NMNAT1: variants seen among roughly 807,000 people sequenced by gnomAD.
NMNAT1 encodes nicotinamide nucleotide adenylyltransferase 1.
In NMNAT1, 11 loss-of-function variants were observed where a neutral mutation model predicts 16.7. The observed-to-expected ratio is 0.66, with a 90% confidence interval of 0.41 to 1.09. The LOEUF (loss-of-function observed/expected upper bound fraction) is 1.09, where lower values mean the gene tolerates loss of function less well. Ranked by LOEUF, NMNAT1 falls within the 50% of genes least tolerant of loss-of-function variation. The pLI, the probability that NMNAT1 is intolerant of heterozygous loss-of-function variation, is 0.00. For synonymous variants in NMNAT1, 110 were observed against 119.8 expected, an observed-to-expected ratio of 0.92 and a Z score of 0.53; for missense variants, 280 against 332.3, an observed-to-expected ratio of 0.84 and a Z score of 1.22.
chr1:9,972,196 C>G lies in NMNAT1; in HGVS notation c.115+8C>G, dbSNP rs777466989. 30 of 1,524,710 alleles carry G rather than the reference C, an allele frequency of 2.0e-5. No homozygotes were observed. The highest frequency in any genetic ancestry group is 1.4e-4 in the Admixed American group (8 of 59,040). 94.4% of individuals were successfully genotyped at this position (1,524,710 alleles called of 1,614,324 possible). On this transcript the variant is annotated splice_region_variant and intron_variant, in intron 2 of 4. Transcript: ENST00000377205. ...ACTACATGAATGGAACAGGTAGGAG[C>G]AGTAACCAAAAGTGGCTTAAGACTA...
At chr1:9,950,272 G>A (rs923335018) in intron 1 of NMNAT1, among the ~76,000 whole-genome samples, 1 of 152,098 alleles carries the variant, frequency 6.6e-6, no homozygotes, top group Non-Finnish European at 1.5e-5. Flanking sequence ...TGTATTTTTA[G>A]TAGTGACAGG....
intron 1 of NMNAT1, among the ~76,000 whole-genome samples, chr1:9,949,266 CAA>C (rs1015966205): frequency 2.3e-5 from 3 of 131,646 alleles, no homozygotes; most frequent in Admixed American, 7.7e-5. Context: ...GACTCTGTCT[CAA>C]AAAAAAAAAA....
In NMNAT1 at chr1:9,983,221, G is replaced by C. The variant is rs1247948419; in HGVS notation, c.*520G>C. 1 of 152,492 alleles carries C rather than the reference G, an allele frequency of 6.6e-6. No homozygotes were observed. Among genetic ancestry groups the C allele is most frequent in the Non-Finnish European group, 1.5e-5 (1 of 68,362 alleles). 9.4% of individuals were successfully genotyped at this position (152,492 alleles called of 1,614,324 possible). ...ATACAAAAAATTAGCCAGGCATGGTGCCGCATAACTATAATCCCAGCTACT... is the reference window on the plus strand; with the variant it reads ...ATACAAAAAATTAGCCAGGCATGGTCCCGCATAACTATAATCCCAGCTACT... On this transcript the variant is annotated 3_prime_UTR_variant, in exon 5 of 5. Transcript: ENST00000377205.
chr1:9,949,475 T>A (rs2101638053), intron 1 of NMNAT1, among the ~76,000 whole-genome samples: 2 of 141,518 alleles, frequency 1.4e-5, no homozygotes, highest in Middle Eastern at 7.4e-3. Flanking sequence ...AGTGGTGCAA[T>A]CTTTGCTCAC....
At chr1:9,959,649 C>T (rs2101662632) in intron 1 of NMNAT1, among the ~76,000 whole-genome samples, 1 of 152,148 alleles carries the variant, frequency 6.6e-6, no homozygotes, top group Admixed American at 6.6e-5. Context: ...CGCCACTGCA[C>T]TCCAGCCTGG....
intron 1 of NMNAT1, among the ~76,000 whole-genome samples, chr1:9,966,727 T>C (rs1224418716): frequency 6.6e-6 from 1 of 152,174 alleles, no homozygotes; most frequent in Non-Finnish European, 1.5e-5. Flanking sequence ...TAAAAGGTTC[T>C]GTACAATGAA....
chr1:9,954,838 C>T (rs1445623617), intron 1 of NMNAT1, among the ~76,000 whole-genome samples: 2 of 148,228 alleles, frequency 1.3e-5, no homozygotes, highest in East Asian at 2.0e-4. Flanking sequence ...GGCTGAGGCA[C>T]GAGAATCGCT....
chr1:9,957,769 C>T (rs1008810208), intron 1 of NMNAT1, among the ~76,000 whole-genome samples: 4 of 152,144 alleles, frequency 2.6e-5, no homozygotes, highest in Non-Finnish European at 5.9e-5. Flanking sequence ...GTCACTCCCC[C>T]TCGCTTAAGT....
At chr1:9,987,244 T>G (rs548082331), downstream of NMNAT1, among the ~76,000 whole-genome samples, 2 of 152,072 alleles carry the variant, frequency 1.3e-5, no homozygotes, top group East Asian at 3.9e-4. Flanking sequence ...GTGCGGTGGC[T>G]CACACCTGTA....
chr1:9,987,407 G>A (rs983120186), downstream of NMNAT1, among the ~76,000 whole-genome samples: 3 of 151,962 alleles, frequency 2.0e-5, no homozygotes, highest in Non-Finnish European at 2.9e-5. Context: ...TTGGGAGGCC[G>A]AGGAGGGCAG....
chr1:9,982,318 C>A lies in NMNAT1; in HGVS notation c.457C>A (p.Leu153Met). The change falls in exon 5 of 5, where the codon CTG becomes ATG. Residue 153 changes from leucine to methionine, a missense_variant. Transcript: ENST00000377205. Reference protein sequence around the residue: ...PKTKAVPKVKLLCGADLLESF... With the variant: ...PKTKAVPKVKMLCGADLLESF... ...CTTCCCAGCTGTGCCAAAGGTCAAG[C>A]TGCTGTGTGGGGCAGATTTATTGGA... The A allele has an allele frequency of 1.9e-6, 3 of 1,612,608 alleles. No homozygotes were observed. Among genetic ancestry groups the A allele is most frequent in the Non-Finnish European group, 2.5e-6 (3 of 1,179,056 alleles).
At chr1:9,967,883 G>A (rs546594021) in intron 1 of NMNAT1, among the ~76,000 whole-genome samples, 3 of 152,072 alleles carry the variant, frequency 2.0e-5, no homozygotes, top group South Asian at 2.1e-4. Flanking sequence ...GGCTGAGGTC[G>A]AAGGATCACT....
In NMNAT1 at chr1:9,982,457, A is replaced by C; in HGVS notation, c.596A>C (p.Glu199Ala). The change falls in exon 5 of 5, where the codon GAA becomes GCA. Residue 199 changes from glutamate to alanine, a missense_variant. Glu to Ala is a moderately radical substitution (Grantham distance 107). Coordinates refer to ENST00000377205, the MANE Select transcript of NMNAT1 (RefSeq NM_022787.4). ...AATGATGCTCAGAAGTTTATCTATG[A>C]ATCGGATGTGCTGTGGAAACACCGG... ...AGNDAQKFIYESDVLWKHRSN... is the reference protein window; with the variant it reads ...AGNDAQKFIYASDVLWKHRSN... The C allele has an allele frequency of 6.2e-7, 1 of 1,614,142 alleles. No homozygotes were observed. Among genetic ancestry groups the C allele is most frequent in the Non-Finnish European group, 8.5e-7 (1 of 1,180,034 alleles).
Position 9,968,080 on chromosome 1 carries a change from G to GTTTGTTTTTTT in NMNAT1, c.-56-3935_-56-3934insGTTTTTTTTTT, listed in dbSNP as rs371743293. On this transcript the variant is annotated intron_variant, in intron 1 of 4. Coordinates refer to ENST00000377205, the MANE Select transcript of NMNAT1 (RefSeq NM_022787.4). ...TTTGCCAAATGTAGTTTTTTTTTTT[G>GTTTGTTTTTTT]TTTTTTTTTGAGATGGAGTCTCGCT... Among the ~76,000 whole-genome samples, 32 of 117,806 alleles carry GTTTGTTTTTTT rather than the reference G, an allele frequency of 2.7e-4. 1 individual carries two copies. Among genetic ancestry groups the GTTTGTTTTTTT allele is most frequent in the East Asian group, 1.3e-3 (5 of 3,764 alleles). 77.3% of individuals were successfully genotyped at this position (117,806 alleles called of 152,430 possible). A position where few individuals can be genotyped will look rare whatever the true frequency, so the allele number is the denominator to read the frequency against.
chr1:9,945,157 T>C (rs955591215), intron 1 of NMNAT1, among the ~76,000 whole-genome samples: 2 of 151,790 alleles, frequency 1.3e-5, no homozygotes, highest in African/African-American at 4.8e-5. Context: ...TCGCTTGAAC[T>C]CAGGAGGTGA....
At chr1:9,972,523 G>T (rs907134492) in intron 2 of NMNAT1, 1 of 186,280 alleles carries the variant, frequency 5.4e-6, no homozygotes, top group South Asian at 1.1e-4. Flanking sequence ...TAGAGAACCG[G>T]CATGACTGGG....
chr1:9,964,133 C>T (rs1157206066), intron 1 of NMNAT1, among the ~76,000 whole-genome samples: 2 of 151,832 alleles, frequency 1.3e-5, no homozygotes, highest in African/African-American at 4.8e-5. Flanking sequence ...CTCAAGTGAC[C>T]CACCTACCTC....
At chr1:9,968,907 C>T (rs1302986078) in intron 1 of NMNAT1, among the ~76,000 whole-genome samples, 2 of 148,752 alleles carry the variant, frequency 1.3e-5, no homozygotes, top group Admixed American at 6.7e-5. Context: ...ACCACTGCAC[C>T]CCAGCCTGGG....
chr1:9,958,688 T>C (rs550171356), intron 1 of NMNAT1, among the ~76,000 whole-genome samples: 85 of 152,246 alleles, frequency 5.6e-4, no homozygotes, highest in African/African-American at 1.9e-3. Context: ...TCCGCCCACC[T>C]CTGTCTCCCA....
Sources: gnomAD v4.1 joint callset for allele counts (sites outside exome capture counted in the v4.1 genomes callset) on GRCh38, gnomAD v4.1.1 for gene constraint, MANE v1.5 for transcripts, NCBI Gene and HGNC (gene_info 2026-07-23, HGNC 2026-07-21) for gene names.